The following GPC5 variants were observed in gnomAD, a reference collection of about 807,000 sequenced individuals.
The protein encoded by GPC5 is glypican-5.
GPC5 carries 47 observed loss-of-function variants against 53.9 expected under a neutral mutation model. The observed-to-expected ratio is 0.87, with a 90% CI of 0.69 to 1.11. The LOEUF is 1.11. GPC5 is among the 50% of genes most tolerant of loss of function. The probability of loss-of-function intolerance (pLI) is 0.00; values close to 1 mark genes in which losing one functional copy is unlikely to be tolerated. For missense variants in GPC5, 748 were observed against 713.1 expected, an observed-to-expected ratio of 1.05 and a Z score of -0.56; for synonymous variants, 286 against 263.3, an observed-to-expected ratio of 1.09 and a Z score of -0.84.
intron 7 of GPC5, among the ~76,000 whole-genome samples, chr13:92,755,566 AATAG>A (rs1368575910): frequency 2.0e-5 from 3 of 150,810 alleles, no homozygotes; most frequent in African/African-American, 4.8e-5. Flanking sequence ...GGATCAACAA[AATAG>A]ATAGACTGCT....
chr13:91,624,692 A>G (rs2033953540), intron 2 of GPC5, among the ~76,000 whole-genome samples: 1 of 152,038 alleles, frequency 6.6e-6, no homozygotes, highest in Non-Finnish European at 1.5e-5. Flanking sequence ...TTTTATCATA[A>G]TAAAATAAAG....
intron 7 of GPC5, among the ~76,000 whole-genome samples, chr13:92,365,089 C>G (rs2043597397): frequency 6.6e-6 from 1 of 151,700 alleles, no homozygotes; most frequent in Non-Finnish European, 1.5e-5. Flanking sequence ...GGGCTACCTT[C>G]TGAGAAATGC....
At chr13:91,869,070 G>T (rs77112656) in intron 5 of GPC5, among the ~76,000 whole-genome samples, 2 of 152,194 alleles carry the variant, frequency 1.3e-5, no homozygotes, top group East Asian at 3.9e-4. Context: ...TTTAGATGGA[G>T]TCTTGCCCTG....
At chr13:92,835,174 C>G (rs911805547) in intron 7 of GPC5, among the ~76,000 whole-genome samples, 1 of 151,818 alleles carries the variant, frequency 6.6e-6, no homozygotes, top group Non-Finnish European at 1.5e-5. Context: ...TTTTCAAAGC[C>G]TAGGTTCTTA....
intron 6 of GPC5, among the ~76,000 whole-genome samples, chr13:92,035,172 G>C (rs1218940749): frequency 7.1e-6 from 1 of 141,098 alleles, no homozygotes; most frequent in South Asian, 2.2e-4. Flanking sequence ...CAGAGATGGC[G>C]CCACTACACT....
At position 92,243,980 on chromosome 13, in the gene GPC5, AAAAC is replaced by A. The variant is rs372520341; in HGVS notation, c.1561+98996_1561+98999del. Among the ~76,000 whole-genome samples the A allele has an allele frequency of 5.9e-3, 901 of 152,306 alleles. 15 individuals carry two copies. Among genetic ancestry groups the A allele is most frequent in the South Asian group, 0.041 (199 of 4,826 alleles). On this transcript the variant is annotated intron_variant, in intron 7 of 7. Transcript: ENST00000377067. ...CATGGGTAACAGAGTCAGAAAGTGA[AAAAC>A]AAACTATTTCAAAAGGCAAAGTTAA...
intron 1 of GPC5, among the ~76,000 whole-genome samples, chr13:91,410,559 G>A (rs947680270): frequency 4.6e-5 from 7 of 151,486 alleles, no homozygotes; most frequent in East Asian, 2.0e-4. Context: ...TGTTAGCCAG[G>A]ATGGTCTCGA....
intron 7 of GPC5, among the ~76,000 whole-genome samples, chr13:92,810,744 G>A (rs971221211): frequency 2.0e-5 from 3 of 151,954 alleles, no homozygotes; most frequent in East Asian, 3.9e-4. Context: ...TTTTTGAGAC[G>A]GAGTCTCACC....
chr13:91,466,091 C>T (rs1302190367), intron 2 of GPC5, among the ~76,000 whole-genome samples: 2 of 152,154 alleles, frequency 1.3e-5, no homozygotes, highest in Non-Finnish European at 2.9e-5. Flanking sequence ...AGGCCACGAG[C>T]CAAGGCCATG....
intron 5 of GPC5, among the ~76,000 whole-genome samples, chr13:91,872,458 A>G (rs947044835): frequency 6.6e-6 from 1 of 152,186 alleles, no homozygotes; most frequent in African/African-American, 2.4e-5. Flanking sequence ...CAAAAAGGAA[A>G]CATATTCATA....
At chr13:92,554,204 A>G (rs926682469) in intron 7 of GPC5, among the ~76,000 whole-genome samples, 1 of 151,930 alleles carries the variant, frequency 6.6e-6, no homozygotes, top group African/African-American at 2.4e-5. Flanking sequence ...ATTCATCAAA[A>G]TAGCCATATC....
chr13:92,517,088 A>G (rs1471976703), intron 7 of GPC5, among the ~76,000 whole-genome samples: 1 of 152,006 alleles, frequency 6.6e-6, no homozygotes, highest in East Asian at 1.9e-4. Context: ...TTGCTAGCAC[A>G]TCAGTCTGAG....
At chr13:92,197,992 T>C (rs899166062) in intron 7 of GPC5, among the ~76,000 whole-genome samples, 1 of 152,152 alleles carries the variant, frequency 6.6e-6, no homozygotes, top group African/African-American at 2.4e-5. Context: ...CTCAAAGTCC[T>C]TGCACTTGTT....
chr13:92,511,450 T>C (rs2138952700), intron 7 of GPC5, among the ~76,000 whole-genome samples: 1 of 152,320 alleles, frequency 6.6e-6, no homozygotes, highest in South Asian at 2.1e-4. Context: ...TTGTAATTAC[T>C]TTATGTTAGT....
chr13:92,726,434 C>A (rs1455108443), intron 7 of GPC5, among the ~76,000 whole-genome samples: 1 of 151,332 alleles, frequency 6.6e-6, no homozygotes, highest in Admixed American at 6.6e-5. Flanking sequence ...ACTCTATCAC[C>A]CAGGCTAGAG....
chr13:92,115,278 G>C (rs773556084), intron 6 of GPC5, among the ~76,000 whole-genome samples: 1 of 152,218 alleles, frequency 6.6e-6, no homozygotes, highest in Non-Finnish European at 1.5e-5. Flanking sequence ...GGAGGCCGAG[G>C]TGGGTAGATT....
intron 7 of GPC5, among the ~76,000 whole-genome samples, chr13:92,538,132 A>C (rs779222712): frequency 7.2e-5 from 11 of 152,094 alleles, no homozygotes; most frequent in Non-Finnish European, 1.6e-4. Context: ...AGGCTAACTC[A>C]CCAAATAACT....
chr13:92,605,582 T>TTTTTG (rs1406591965), intron 7 of GPC5, among the ~76,000 whole-genome samples: 13 of 149,436 alleles, frequency 8.7e-5, no homozygotes, highest in African/African-American at 2.8e-4. Flanking sequence ...ACTAGTTTTT[T>TTTTTG]TTTTTTTTTT....
chr13:92,073,827 C>T (rs1471290009), intron 6 of GPC5, among the ~76,000 whole-genome samples: 7 of 152,114 alleles, frequency 4.6e-5, no homozygotes, highest in African/African-American at 1.4e-4. Context: ...TTACCATAAT[C>T]CCCACGTGTT....
Sources: allele counts gnomAD v4.1 joint callset (sites outside exome capture counted in the v4.1 genomes callset), GRCh38; gene constraint gnomAD v4.1.1; transcripts MANE v1.5; gene names NCBI Gene and HGNC (gene_info 2026-07-23, HGNC 2026-07-21).